Variants in NF2 observed in about 807,000 individuals in gnomAD.
NF2 encodes the protein merlin.
Under a neutral mutation model 83.7 loss-of-function variants are expected in NF2, and 8 were observed. The observed-to-expected ratio is 0.10, with a 90% CI of 0.06 to 0.17. The LOEUF (loss-of-function observed/expected upper bound fraction) is 0.17, where lower values mean the gene tolerates loss of function less well. Among genes scored for constraint, NF2 ranks in the 10% least tolerant of loss-of-function variants. NF2 has a pLI of 1.00. For missense variants in NF2, 533 were observed against 744.4 expected, an observed-to-expected ratio of 0.72 and a Z score of 3.31; for synonymous variants, 266 against 269.6, an observed-to-expected ratio of 0.99 and a Z score of 0.13.
intron 14 of NF2, among the ~76,000 whole-genome samples, chr22:29,679,418 A>G (rs1429654558): frequency 1.3e-5 from 2 of 152,230 alleles, no homozygotes; most frequent in African/African-American, 2.4e-5. Flanking sequence ...TCCTTTCACC[A>G]TTATCCAGAC....
At chr22:29,613,051 GC>G (rs1569265773) in intron 1 of NF2, among the ~76,000 whole-genome samples, 1 of 151,738 alleles carries the variant, frequency 6.6e-6, no homozygotes, top group Non-Finnish European at 1.5e-5. Context: ...CTGAGATCAC[GC>G]GCCACTGCAC....
intron 1 of NF2, among the ~76,000 whole-genome samples, chr22:29,618,147 G>C (rs972735334): frequency 1.3e-5 from 2 of 152,176 alleles, no homozygotes; most frequent in African/African-American, 2.4e-5. Flanking sequence ...AAACCTGTTT[G>C]TAAACCATGT....
intron 12 of NF2, 131 bp from the exon 13 acceptor site, chr22:29,674,705 C>T (rs2066907816): frequency 1.3e-6 from 1 of 742,944 alleles, no homozygotes; most frequent in South Asian, 1.5e-5. Context: ...CCCTGTCTCA[C>T]TGTCCTTTTT....
At chr22:29,651,179 T>C (rs1368330300) in intron 4 of NF2, among the ~76,000 whole-genome samples, 1 of 152,190 alleles carries the variant, frequency 6.6e-6, no homozygotes, top group African/African-American at 2.4e-5. Context: ...TAATCTAACC[T>C]TTATGTTTTT....
chr22:29,646,186 T>C (rs2065977533), intron 4 of NF2, among the ~76,000 whole-genome samples: 1 of 152,232 alleles, frequency 6.6e-6, no homozygotes, highest in Non-Finnish European at 1.5e-5. Flanking sequence ...AGATGAGGAA[T>C]TTAAGGCTCA....
At chr22:29,619,369 G>A (rs898361270) in intron 1 of NF2, among the ~76,000 whole-genome samples, 1 of 150,084 alleles carries the variant, frequency 6.7e-6, no homozygotes, top group African/African-American at 2.5e-5. Context: ...TTACCGCTGT[G>A]CTCTCCCATG....
At chr22:29,641,796 C>T (rs575757296) in intron 3 of NF2, among the ~76,000 whole-genome samples, 1 of 152,200 alleles carries the variant, frequency 6.6e-6, no homozygotes, top group African/African-American at 2.4e-5. Context: ...TGACTTTTGT[C>T]TTGTGTTAAT....
chr22:29,604,440 A>G (rs2064731216), intron 1 of NF2, among the ~76,000 whole-genome samples: 1 of 151,952 alleles, frequency 6.6e-6, no homozygotes, highest in Non-Finnish European at 1.5e-5. Flanking sequence ...ATTGTTATGT[A>G]CCCAGGTATT....
chr22:29,666,053 CT>C (rs1408353474), intron 9 of NF2, among the ~76,000 whole-genome samples: 2 of 151,598 alleles, frequency 1.3e-5, no homozygotes, highest in African/African-American at 4.9e-5. Context: ...TGAGATATAT[CT>C]TTGTTGATGC....
intron 3 of NF2, among the ~76,000 whole-genome samples, chr22:29,641,178 T>TC (rs1182800415): frequency 1.0e-4 from 14 of 134,178 alleles, no homozygotes; most frequent in East Asian, 6.0e-4. Flanking sequence ...GCGTTGCTTT[T>TC]TCCCCCCTCT....
In NF2 at chr22:29,678,178, G is replaced by A. The variant is rs774871889; in HGVS notation, c.1447-18G>A. 1.7e-5 allele frequency: 28 copies of A among 1,613,432 alleles called. 1 individual carries two copies. The East Asian group carries it at 1.8e-4, about 10-fold the overall frequency. ...CTTGTATGACCCAAGCTCCTAATCCGAAATTTCTCATTAACAGCCCATGAA... is the reference window on the plus strand; with the variant it reads ...CTTGTATGACCCAAGCTCCTAATCCAAAATTTCTCATTAACAGCCCATGAA... On this transcript the variant is annotated intron_variant, in intron 13 of 15. Coordinates refer to ENST00000338641, the MANE Select transcript of NF2 (RefSeq NM_000268.4).
intron 7 of NF2, among the ~76,000 whole-genome samples, chr22:29,658,870 A>C (rs967446111): frequency 2.0e-5 from 3 of 152,036 alleles, no homozygotes; most frequent in Non-Finnish European, 4.4e-5. Flanking sequence ...GCTTCTTACA[A>C]AGGGATGCAT....
rs2146847486 is a variant in NF2, at chr22:29,636,232, G to A, written c.115-519G>A. The stretch of plus-strand genomic sequence containing the variant: ...GTGATTGGACTGTCTGGTCTCTCAT[G>A]GTTCTTTTTCTCCATGATTTATGAC... On this transcript the variant is annotated intron_variant, in intron 1 of 15. Transcript: ENST00000338641. The surrounding 1 kb of genome is among the most constrained non-coding windows in gnomAD (Gnocchi z 4.4). 6.6e-6 allele frequency among the ~76,000 whole-genome samples: 1 copy of A among 151,964 alleles called. No individual in the cohort carries two copies. Among genetic ancestry groups the A allele is most frequent in the East Asian group, 1.9e-4 (1 of 5,168 alleles).
intron 4 of NF2, among the ~76,000 whole-genome samples, chr22:29,651,042 A>G (rs185152420): frequency 1.1e-4 from 17 of 152,336 alleles, no homozygotes; most frequent in African/African-American, 4.1e-4. Context: ...ACCAACCATT[A>G]TTATATCCAT....
At position 29,642,228 on chromosome 22, in the gene NF2, G is replaced by T; in HGVS notation, c.390G>T (p.Lys130Asn). The T allele has an allele frequency of 1.9e-6, 3 of 1,614,034 alleles. No individual in the cohort carries two copies. The highest frequency in any genetic ancestry group is 2.5e-6 in the Non-Finnish European group (3 of 1,179,882). Residue 130 changes from lysine (K) to asparagine (N), a missense_variant, in exon 4 of 16, where the codon AAG (lysine) becomes AAT (asparagine). Lys to Asn is a moderately conservative substitution (Grantham distance 94). Transcript: ENST00000338641. Reference sequence around the variant, plus strand: ...TAAAGAAGCAGATTTTAGATGAAAAGATCTACTGCCCTCCTGAGGCTTCTG... The same window carrying T: ...TAAAGAAGCAGATTTTAGATGAAAATATCTACTGCCCTCCTGAGGCTTCTG... ...LQVKKQILDE[K>N]IYCPPEASVL... is the part of the protein sequence containing the mutation.
intron 8 of NF2, among the ~76,000 whole-genome samples, chr22:29,662,341 T>TG (rs1054834091): frequency 6.6e-6 from 1 of 152,096 alleles, no homozygotes; most frequent in Non-Finnish European, 1.5e-5. Flanking sequence ...CCCACCAGGC[T>TG]GGTCTTGAAC....
At chr22:29,644,856 G>A (rs2146917649) in intron 4 of NF2, among the ~76,000 whole-genome samples, 1 of 152,194 alleles carries the variant, frequency 6.6e-6, no homozygotes, top group East Asian at 1.9e-4. Flanking sequence ...GTTGCAGTGA[G>A]CCGAGATGGC....
At chr22:29,655,941 ATT>A (rs59436932) in intron 6 of NF2, among the ~76,000 whole-genome samples, 4 of 142,526 alleles carry the variant, frequency 2.8e-5, no homozygotes, top group East Asian at 2.0e-4. Context: ...TAAGTTTAAG[ATT>A]TTTTTTTTTT....
rs1269401460 is a variant in NF2 at position 29,681,577 on chromosome 22, C to G, written c.1713C>G (p.Ser571Arg). Residue 571 changes from serine (S) to arginine (R), a missense_variant, in exon 15 of 16, where the codon AGC (serine) becomes AGG (arginine). Ser to Arg is a moderately radical substitution (Grantham distance 110). Around this residue, in one of 3 missense-constraint regions of NF2, gnomAD observed 199 missense variants for 240.7 expected, o/e 0.83. Transcript: ENST00000338641. ...ATGAGAACTCCGACAGGGGTGGCAG[C>G]AGCAAGCACAATACCATTAAAAAGG... ...LHNENSDRGG[S>R]SKHNTIKKLT... 1.2e-6 allele frequency: 2 copies of G among 1,614,156 alleles called. No individual in the cohort carries two copies. Among genetic ancestry groups the G allele is most frequent in the South Asian group, 2.2e-5 (2 of 91,084 alleles).
Sources: allele counts gnomAD v4.1 joint callset (sites outside exome capture counted in the v4.1 genomes callset), GRCh38; gene constraint gnomAD v4.1.1; regional missense constraint gnomAD v4.1.1; non-coding constraint Gnocchi (gnomAD v3.1); transcripts MANE v1.5; gene names NCBI Gene and HGNC (gene_info 2026-07-23, HGNC 2026-07-21).